The following ADAM8 variants were observed in gnomAD, a reference collection of about 807,000 sequenced individuals.
ADAM8 encodes the protein ADAM metallopeptidase domain 8, also known as disintegrin and metalloproteinase domain-containing protein 8.
In ADAM8, 104 loss-of-function variants were observed where a neutral mutation model predicts 102.4. That is an observed-to-expected ratio of 1.02 (90% CI 0.87 to 1.20). The LOEUF (loss-of-function observed/expected upper bound fraction) is 1.20, where lower values mean the gene tolerates loss of function less well. Among genes scored for constraint, ADAM8 ranks in the 50% most tolerant of loss-of-function variants. The pLI, the probability that ADAM8 is intolerant of heterozygous loss-of-function variation, is 0.00. For missense variants in ADAM8, 1,132 were observed against 1,159.0 expected (o/e 0.98, Z 0.34); for synonymous variants, 517 against 485.2 (o/e 1.07, Z -0.86).
At chr10:133,272,324 T>TTCCACC in intron 9 of ADAM8, 50 bp from the exon 10 acceptor site, 5 of 1,430,700 alleles carry the variant, frequency 3.5e-6, no homozygotes, top group Non-Finnish European at 4.7e-6. Context: ...CCTCCCCACT[T>TTCCACC]CCCTCCCACC....
At chr10:133,269,254 C>T (rs1846435943) in intron 18 of ADAM8, 191 bp downstream of exon 18, 1 of 920,050 alleles carries the variant, frequency 1.1e-6, no homozygotes, top group Non-Finnish European at 1.3e-6. Flanking sequence ...CCCTCTGGGA[C>T]AGGGCTCTCC....
At chr10:133,270,237 G>A (rs1180190373) in intron 16 of ADAM8, 123 bp downstream of exon 16, 27 of 1,307,962 alleles carry the variant, frequency 2.1e-5, no homozygotes, top group East Asian at 7.4e-5. Flanking sequence ...TACTAGAAGC[G>A]CGGAGAGAAC....
chr10:133,269,776 T>G (rs1259505233), intron 17 of ADAM8, 121 bp downstream of exon 17: 28 of 1,224,776 alleles, frequency 2.3e-5, no homozygotes, highest in Non-Finnish European at 3.2e-5. Context: ...GAGACCCCCA[T>G]GGACAGGACA....
At position 133,273,447 on chromosome 10, in the gene ADAM8, AG is replaced by A; in HGVS notation, c.384-5del. 1 of 1,533,174 alleles carries A rather than the reference AG, an allele frequency of 6.5e-7. No homozygotes were observed. The highest frequency in any genetic ancestry group is 8.8e-7 in the Non-Finnish European group (1 of 1,135,080). 95.0% of individuals were successfully genotyped at this position (1,533,174 alleles called of 1,614,324 possible). On this transcript the variant is annotated splice_polypyrimidine_tract_variant and splice_region_variant and intron_variant, in intron 5 of 22. Transcript: ENST00000445355. ...TGACCCCACCTGGAAGAAACCCCTG[AG>A]GGGAGTGGGAGCCGGGTGTGCTGTG...
intron 21 of ADAM8, among the ~76,000 whole-genome samples, chr10:133,264,629 C>T (rs1846266129): frequency 6.6e-6 from 1 of 152,196 alleles, no homozygotes; most frequent in Admixed American, 6.5e-5. Flanking sequence ...TTCCCTCCTG[C>T]ACAGTTCTGC....
At chr10:133,270,563 G>T in intron 15 of ADAM8, 53 bp from the exon 16 acceptor site, 1 of 1,560,672 alleles carries the variant, frequency 6.4e-7, no homozygotes, top group Admixed American at 1.7e-5. Flanking sequence ...ATGCTGGGGA[G>T]CCCAGGAGCC....
At chr10:133,275,860 G>A in intron 1 of ADAM8, 1 of 401,116 alleles carries the variant, frequency 2.5e-6, no homozygotes, top group Middle Eastern at 6.3e-4. Context: ...GACTCCACAG[G>A]TCTCCAGGCT....
intron 5 of ADAM8, 74 bp downstream of exon 5, chr10:133,273,688 T>G: frequency 6.9e-7 from 1 of 1,439,020 alleles, no homozygotes; most frequent in Non-Finnish European, 9.4e-7. Flanking sequence ...CCTGCCTCCC[T>G]TCCCCACCCC....
At chr10:133,272,365 G>GGGGCCCCC in intron 9 of ADAM8, 51 bp downstream of exon 9, 3 of 408,818 alleles carry the variant, frequency 7.3e-6, no homozygotes, top group South Asian at 4.7e-5. Flanking sequence ...ACCCCACCCT[G>GGGGCCCCC]CCCGCCCTCC....
chr10:133,271,009 C>A lies in ADAM8; in HGVS notation c.1436G>T (p.Cys479Phe). 6.2e-7 allele frequency: 1 copy of A among 1,612,862 alleles called. No homozygotes were observed. Among genetic ancestry groups the A allele is most frequent in the South Asian group, 1.1e-5 (1 of 91,088 alleles). The change falls in exon 14 of 23, where the codon TGT becomes TTT. Residue 479 changes from cysteine (C) to phenylalanine (F), a missense_variant. By Grantham distance (205) the Cys-to-Phe change is radical. Coordinates refer to ENST00000445355, the MANE Select transcript of ADAM8 (RefSeq NM_001109.5). ...CGGGCACTCAGGGTGCCGGCCGTCA[C>A]AGAACTCCTCGAGGTCACACATGTC... ...KKDMCDLEEF[C>F]DGRHPECPED... is the part of the protein sequence containing the mutation.
intron 16 of ADAM8, 114 bp downstream of exon 16, chr10:133,270,246 A>G: frequency 1.5e-6 from 2 of 1,374,186 alleles, no homozygotes; most frequent in East Asian, 4.8e-5. Flanking sequence ...CGCGGAGAGA[A>G]CTCTGTTCCC....
chr10:133,274,065 C>T (rs761364786), intron 3 of ADAM8, 36 bp from the exon 4 acceptor site: 34 of 1,594,322 alleles, frequency 2.1e-5, no homozygotes, highest in African/African-American at 1.1e-4. Context: ...TCGGCCCCCT[C>T]GGTGCAGAGA....
At chr10:133,270,321 T>A in intron 16 of ADAM8, 39 bp downstream of exon 16, 1 of 1,557,090 alleles carries the variant, frequency 6.4e-7, no homozygotes, top group Non-Finnish European at 8.7e-7. Flanking sequence ...ATGCCCGGGA[T>A]GCCTGGGGGG....
Position 133,265,063 on chromosome 10 carries a change from G to A in ADAM8, c.2320-1298C>T, listed in dbSNP as rs1450474568. ...CAGCCTCTGCCCCATCTACCTCCAC[G>A]CCCAGCTCCTGCTGCAGCCTCTGCC... is the stretch of plus-strand genomic sequence containing the variant. On this transcript the variant is annotated intron_variant, in intron 21 of 22. Transcript: ENST00000445355. Among the ~76,000 whole-genome samples, 5 of 136,112 alleles carry A rather than the reference G, an allele frequency of 3.7e-5. 1 individual carries two copies. The highest frequency in any genetic ancestry group is 8.6e-5 in the African/African-American group (3 of 34,802). The allele number at this position is 136,112 out of a possible 152,430, so 89.3% of individuals were successfully genotyped here. A position where few individuals can be genotyped will look rare whatever the true frequency, so the allele number is the denominator to read the frequency against.
At chr10:133,272,060 C>T (rs772701338) in intron 10 of ADAM8, 106 bp from the exon 11 acceptor site, 19 of 1,545,570 alleles carry the variant, frequency 1.2e-5, no homozygotes, top group Non-Finnish European at 1.6e-5. Flanking sequence ...GCCAACACCA[C>T]CTTAAAACAT....
Position 133,269,456 on chromosome 10 carries a change from TCA to T in ADAM8, c.1935_1936del (p.Glu646GlyfsTer153). 2 of 1,597,536 alleles carry T rather than the reference TCA, an allele frequency of 1.3e-6. No individual in the cohort carries two copies. Among genetic ancestry groups the T allele is most frequent in the Non-Finnish European group, 1.7e-6 (2 of 1,176,558 alleles). Reference sequence around the variant, plus strand: ...CCAGGGAGGCCTACCTGCGTGCACCTCAGTCAGCAGCTTCGCGCAGTGGGGCG... The same window carrying T: ...CCAGGGAGGCCTACCTGCGTGCACCTGTCAGCAGCTTCGCGCAGTGGGGCG... On this transcript the variant is annotated frameshift_variant, in exon 18 of 23. Coordinates refer to ENST00000445355, the MANE Select transcript of ADAM8 (RefSeq NM_001109.5). LOFTEE classifies it high-confidence loss of function.
intron 12 of ADAM8, 87 bp downstream of exon 12, chr10:133,271,441 G>T: frequency 6.8e-7 from 1 of 1,478,610 alleles, no homozygotes; most frequent in Non-Finnish European, 9.1e-7. Flanking sequence ...AGTTCCACGT[G>T]TGGATGTGCA....
At chr10:133,269,266 C>A (rs1374009423) in intron 18 of ADAM8, 179 bp downstream of exon 18, 16 of 893,038 alleles carry the variant, frequency 1.8e-5, no homozygotes, top group Non-Finnish European at 2.1e-5. Flanking sequence ...GGGCTCTCCC[C>A]TCCTCACATC....
At position 133,270,863 on chromosome 10, in the gene ADAM8, G is replaced by A. The variant is rs763437340; in HGVS notation, c.1564+18C>T. On this transcript the variant is annotated intron_variant, in intron 14 of 22. Coordinates refer to ENST00000445355, the MANE Select transcript of ADAM8 (RefSeq NM_001109.5). ...GGCCTGCAGCCACCCTGCCAGGCCA[G>A]CTCTGTGCCCACTTCACCTGGCCCC... The A allele has an allele frequency of 1.1e-5, 17 of 1,610,332 alleles. No individual in the cohort carries two copies. The East Asian group carries it at 3.3e-4, about 32-fold the overall frequency.
Sources: gnomAD v4.1 joint callset for allele counts (sites outside exome capture counted in the v4.1 genomes callset) on GRCh38, gnomAD v4.1.1 for gene constraint, MANE v1.5 for transcripts, NCBI Gene and HGNC (gene_info 2026-07-23, HGNC 2026-07-21) for gene names.